The following NEK10 variants were observed in gnomAD, a reference collection of about 807,000 sequenced individuals.
The protein encoded by NEK10 is serine/threonine-protein kinase Nek10.
Under a neutral mutation model 159.8 loss-of-function variants are expected in NEK10, and 122 were observed. The observed-to-expected ratio is 0.76, with a 90% CI of 0.66 to 0.89. NEK10 has a LOEUF of 0.89. Among genes scored for constraint, NEK10 ranks in the 40% least tolerant of loss-of-function variants. The pLI, the probability that NEK10 is intolerant of heterozygous loss-of-function variation, is 0.00. For missense variants in NEK10, 1,342 were observed against 1,323.1 expected (o/e 1.01, Z -0.22); for synonymous variants, 466 against 457.1 (o/e 1.02, Z -0.25).
chr3:27,174,624 C>T (rs562642327), intron 27 of NEK10, 26 bp downstream of exon 27: 11 of 1,601,232 alleles, frequency 6.9e-6, no homozygotes, highest in East Asian at 4.5e-5. Flanking sequence ...GCAGTACCTA[C>T]GTTGACACAC....
intron 26 of NEK10, among the ~76,000 whole-genome samples, chr3:27,183,432 T>C (rs1192216086): frequency 6.6e-6 from 1 of 151,186 alleles, no homozygotes; most frequent in Admixed American, 6.6e-5. Flanking sequence ...TCCTCATTAT[T>C]CTATACACAA....
intron 26 of NEK10, among the ~76,000 whole-genome samples, chr3:27,191,620 A>G (rs1949128907): frequency 6.6e-6 from 1 of 152,254 alleles, no homozygotes; most frequent in Non-Finnish European, 1.5e-5. Flanking sequence ...AAGAGATTGC[A>G]AAGTACAATA....
intron 22 of NEK10, among the ~76,000 whole-genome samples, chr3:27,274,255 T>C (rs1166216382): frequency 1.3e-5 from 2 of 152,158 alleles, no homozygotes; most frequent in Non-Finnish European, 2.9e-5. Flanking sequence ...CTTGATTTTA[T>C]TGATGGAGTT....
intron 26 of NEK10, among the ~76,000 whole-genome samples, chr3:27,191,112 G>C (rs1949075030): frequency 6.6e-6 from 1 of 152,134 alleles, no homozygotes; most frequent in African/African-American, 2.4e-5. Flanking sequence ...CTTCTTTTCA[G>C]AAAGCAGTTC....
In NEK10 at chr3:27,180,319, T is replaced by C. The variant is rs370838396; in HGVS notation, c.2506-5486A>G. 5.0e-4 allele frequency among the ~76,000 whole-genome samples: 75 copies of C among 149,314 alleles called. 1 individual carries two copies. The South Asian group carries it at 0.013, about 26-fold the overall frequency. ...CGAAGGCAGGAGAATCACTTGAACA[T>C]GGGAGGTGGAGGTTGCAGTGAGCCA... On this transcript the variant is annotated intron_variant, in intron 26 of 35. Transcript: ENST00000691995.
At chr3:27,208,851 G>C (rs1950756190) in intron 23 of NEK10, among the ~76,000 whole-genome samples, 1 of 152,304 alleles carries the variant, frequency 6.6e-6, no homozygotes, top group East Asian at 1.9e-4. Context: ...CTGTCTATAA[G>C]CCTGGCATCA....
intron 23 of NEK10, among the ~76,000 whole-genome samples, chr3:27,246,297 T>C (rs1955056618): frequency 6.6e-6 from 1 of 152,186 alleles, no homozygotes. Flanking sequence ...TGGGGGTTTG[T>C]TGCAGATTAT....
chr3:27,265,530 T>G (rs2040815526), intron 22 of NEK10: 2 of 152,218 alleles, frequency 1.3e-5, no homozygotes, highest in South Asian at 4.1e-4. Context: ...AGAGCTTATT[T>G]GTGTTGAACA....
chr3:27,218,949 A>C (rs1222904870), intron 23 of NEK10, among the ~76,000 whole-genome samples: 4 of 152,212 alleles, frequency 2.6e-5, no homozygotes, highest in Non-Finnish European at 5.9e-5. Flanking sequence ...ATGAATCTTG[A>C]AAAACACACA....
intron 30 of NEK10, among the ~76,000 whole-genome samples, chr3:27,148,706 C>T (rs2148726794): frequency 6.6e-6 from 1 of 152,286 alleles, no homozygotes; most frequent in African/African-American, 2.4e-5. Context: ...CACCATGCTA[C>T]AATCATCACC....
chr3:27,353,813 GC>G (rs1209493507), intron 1 of NEK10, among the ~76,000 whole-genome samples: 1 of 151,882 alleles, frequency 6.6e-6, no homozygotes, highest in East Asian at 1.9e-4. Context: ...TCTACCACAA[GC>G]AAAAAAACAA....
chr3:27,210,801 C>T (rs566895026), intron 23 of NEK10, among the ~76,000 whole-genome samples: 10 of 152,306 alleles, frequency 6.6e-5, no homozygotes, highest in Non-Finnish European at 1.2e-4. Context: ...AAGTTATCTT[C>T]ACCCCTACAC....
At chr3:27,164,749 C>T (rs1170854055) in intron 29 of NEK10, among the ~76,000 whole-genome samples, 1 of 152,110 alleles carries the variant, frequency 6.6e-6, no homozygotes, top group Non-Finnish European at 1.5e-5. Flanking sequence ...CCTGCAATAC[C>T]TCCTGAATCC....
intron 32 of NEK10, among the ~76,000 whole-genome samples, chr3:27,122,638 G>A (rs1386238547): frequency 6.6e-6 from 1 of 152,058 alleles, no homozygotes; most frequent in Non-Finnish European, 1.5e-5. Context: ...ACTTCAGATG[G>A]AATTTTTCAT....
At position 27,109,567 on chromosome 3, in the gene NEK10, G is replaced by C. The variant is rs1272852583; in HGVS notation, c.*1705C>G. 2.6e-5 allele frequency among the ~76,000 whole-genome samples: 4 copies of C among 152,042 alleles called. No homozygotes were observed. Among genetic ancestry groups the C allele is most frequent in the African/African-American group, 7.2e-5 (3 of 41,398 alleles). ...TATACTACCATTTGGGAAATAACTT[G>C]ATTTCAAACTCTCACCCCACAATTA... is the stretch of plus-strand genomic sequence containing the variant. On this transcript the variant is annotated 3_prime_UTR_variant, in exon 36 of 36. Coordinates refer to ENST00000691995, the MANE Select transcript of NEK10 (RefSeq NM_001394966.1).
intron 26 of NEK10, among the ~76,000 whole-genome samples, chr3:27,190,273 A>T (rs865897548): frequency 5.3e-5 from 8 of 152,128 alleles, no homozygotes; most frequent in Non-Finnish European, 1.2e-4. Flanking sequence ...CCTGAAATCT[A>T]TATTTCTAAA....
intron 26 of NEK10, among the ~76,000 whole-genome samples, chr3:27,182,029 A>T (rs1234608064): frequency 6.6e-6 from 1 of 152,214 alleles, no homozygotes. Flanking sequence ...ACAAAGTTGG[A>T]GGACTTACAG....
At chr3:27,288,705 A>C (rs1205493755) in intron 19 of NEK10, among the ~76,000 whole-genome samples, 2 of 152,248 alleles carry the variant, frequency 1.3e-5, no homozygotes, top group Non-Finnish European at 2.9e-5. Flanking sequence ...TTTTAATTAA[A>C]AAAGATCATT....
rs2042979226 is a variant in NEK10 at position 27,291,324 on chromosome 3, A to G, written c.1543T>C (p.Tyr515His). 1 of 1,613,574 alleles carries G rather than the reference A, an allele frequency of 6.2e-7. No individual in the cohort carries two copies. Among genetic ancestry groups the G allele is most frequent in the Non-Finnish European group, 8.5e-7 (1 of 1,179,556 alleles). ...TCCAAAATTGCATAGTTGCCTATAT[A>G]TTTCAAAGGAGCTTTGTTCTGATTA... Reference protein sequence around the residue: ...SINQNKAPLKYIGNYAILDHL... With the variant: ...SINQNKAPLKHIGNYAILDHL... The change falls in exon 18 of 36, where the codon TAT (tyrosine) becomes CAT (histidine). Residue 515 changes from tyrosine to histidine, a missense_variant. Transcript: ENST00000691995.
Sources: gnomAD v4.1 joint callset for allele counts (sites outside exome capture counted in the v4.1 genomes callset) on GRCh38, gnomAD v4.1.1 for gene constraint, MANE v1.5 for transcripts, NCBI Gene and HGNC (gene_info 2026-07-23, HGNC 2026-07-21) for gene names.